Variants in IPCEF1 observed in about 807,000 individuals in gnomAD.
IPCEF1 encodes interactor protein for cytohesin exchange factors 1.
A neutral mutation model predicts 50.9 loss-of-function variants in IPCEF1; 31 were observed. The observed-to-expected ratio is 0.61, with a 90% confidence interval of 0.46 to 0.82. The LOEUF is 0.82. Among genes scored for constraint, IPCEF1 ranks in the 40% least tolerant of loss-of-function variants. IPCEF1 has a pLI of 0.00. For synonymous variants in IPCEF1, 181 were observed against 192.0 expected (o/e 0.94, Z 0.47); for missense variants, 458 against 514.0 (o/e 0.89, Z 1.05).
At chr6:154,288,676 C>CA (rs558703057) in intron 2 of IPCEF1, among the ~76,000 whole-genome samples, 54 of 46,926 alleles carry the variant, frequency 1.2e-3, no homozygotes, top group East Asian at 3.9e-3. Context: ...ACAAAAAAAA[C>CA]AAAAAAAAAA....
chr6:154,195,143 C>CTTTTTT (rs1162086187), intron 10 of IPCEF1, among the ~76,000 whole-genome samples: 3 of 133,546 alleles, frequency 2.2e-5, no homozygotes, highest in African/African-American at 8.9e-5. Flanking sequence ...TTTTTCTTTT[C>CTTTTTT]TTTCTTTTTT....
chr6:154,266,589 CACAA>C (rs1781762549), intron 2 of IPCEF1, among the ~76,000 whole-genome samples: 1 of 116,706 alleles, frequency 8.6e-6, no homozygotes, highest in Non-Finnish European at 1.9e-5. Flanking sequence ...TATATATACA[CACAA>C]ACACACACAC....
chr6:154,266,560 C>CCATA (rs1180907519), intron 2 of IPCEF1, among the ~76,000 whole-genome samples: 1 of 134,834 alleles, frequency 7.4e-6, no homozygotes, highest in African/African-American at 2.7e-5. Flanking sequence ...CTTAATATTA[C>CCATA]TATATATATA....
At chr6:154,303,065 C>T (rs1048932499) in intron 1 of IPCEF1, among the ~76,000 whole-genome samples, 8 of 150,688 alleles carry the variant, frequency 5.3e-5, no homozygotes, top group African/African-American at 7.3e-5. Context: ...AGATTTTGAA[C>T]GCAACTATAT....
intron 5 of IPCEF1, among the ~76,000 whole-genome samples, chr6:154,244,919 A>C (rs1004411477): frequency 2.6e-5 from 4 of 152,212 alleles, no homozygotes; most frequent in Non-Finnish European, 5.9e-5. Flanking sequence ...CCACTATTAA[A>C]AGGTAAATCA....
At chr6:154,320,810 C>G (rs547054273) in intron 1 of IPCEF1, among the ~76,000 whole-genome samples, 1 of 152,176 alleles carries the variant, frequency 6.6e-6, no homozygotes, top group African/African-American at 2.4e-5. Context: ...GGCTCTAGAT[C>G]AGCCTGGGCA....
intron 2 of IPCEF1, among the ~76,000 whole-genome samples, chr6:154,286,830 G>T (rs1473526294): frequency 6.6e-6 from 1 of 152,236 alleles, no homozygotes; most frequent in Non-Finnish European, 1.5e-5. Context: ...GGGAATAAAG[G>T]CCAGGGCCGA....
intron 1 of IPCEF1, among the ~76,000 whole-genome samples, chr6:154,305,666 T>A (rs936840241): frequency 6.6e-6 from 1 of 152,166 alleles, no homozygotes; most frequent in Non-Finnish European, 1.5e-5. Flanking sequence ...AGATCAACTT[T>A]GAGTCAGTGG....
rs1210859761 is a variant in IPCEF1, at chr6:154,251,893, GC to G, written c.37-4406del. On this transcript the variant is annotated intron_variant, in intron 3 of 11. Transcript: ENST00000367220. ...AAGACAATGTAGAAAGTGGGGAAGA[GC>G]AAAGTTCCAGGGAAAATCGTGGAGT... is the stretch of plus-strand genomic sequence containing the variant. 3.7e-3 allele frequency among the ~76,000 whole-genome samples: 568 copies of G among 152,208 alleles called. 2 individuals carry two copies. Among genetic ancestry groups the G allele is most frequent in the African/African-American group, 0.013 (546 of 41,524 alleles).
intron 1 of IPCEF1, among the ~76,000 whole-genome samples, chr6:154,353,584 C>T (rs768220567): frequency 4.6e-5 from 7 of 152,164 alleles, no homozygotes; most frequent in Non-Finnish European, 1.0e-4. Flanking sequence ...CCACCGCACC[C>T]GGGCCTATTT....
chr6:154,274,049 G>A (rs1781979304), intron 2 of IPCEF1, among the ~76,000 whole-genome samples: 1 of 149,888 alleles, frequency 6.7e-6, no homozygotes, highest in Admixed American at 6.6e-5. Flanking sequence ...CACCGTGCCT[G>A]GCTGCTTTTT....
At chr6:154,213,971 G>A (rs991880800) in intron 8 of IPCEF1, among the ~76,000 whole-genome samples, 1 of 152,240 alleles carries the variant, frequency 6.6e-6, no homozygotes, top group Non-Finnish European at 1.5e-5. Flanking sequence ...GAGATGTCAT[G>A]AAGCCCACAG....
chr6:154,291,834 A>G lies in IPCEF1; in HGVS notation c.-61-2078T>C, dbSNP rs113255045. 3.3e-3 allele frequency among the ~76,000 whole-genome samples: 508 copies of G among 151,854 alleles called. 10 individuals carry two copies. Among genetic ancestry groups the G allele is most frequent in the African/African-American group, 0.012 (494 of 41,404 alleles). On this transcript the variant is annotated intron_variant, in intron 1 of 11. Transcript: ENST00000367220. ...CAAGTAGCTGGGACTACAGGTGCCC[A>G]CCACCACGCCCGGCTAATTTTTGTG...
intron 10 of IPCEF1, among the ~76,000 whole-genome samples, chr6:154,195,369 G>A (rs775895930): frequency 4.6e-5 from 7 of 151,940 alleles, no homozygotes; most frequent in East Asian, 1.9e-4. Flanking sequence ...GGATGGTCTC[G>A]ATCTCCTGAC....
intron 3 of IPCEF1, among the ~76,000 whole-genome samples, chr6:154,255,994 C>T (rs186534148): frequency 6.6e-6 from 1 of 152,236 alleles, no homozygotes; most frequent in Non-Finnish European, 1.5e-5. Flanking sequence ...AAGCTATCTT[C>T]TAATTTTTTA....
At chr6:154,310,238 G>T (rs1039058715) in intron 1 of IPCEF1, among the ~76,000 whole-genome samples, 2 of 152,134 alleles carry the variant, frequency 1.3e-5, no homozygotes, top group Non-Finnish European at 2.9e-5. Flanking sequence ...TCTCAAAAGA[G>T]GACATATGAT....
At chr6:154,308,193 C>T (rs67982165) in intron 1 of IPCEF1, among the ~76,000 whole-genome samples, 11,218 of 152,266 alleles carry the variant, frequency 0.074, 773 homozygotes, top group East Asian at 0.33. Flanking sequence ...TGGCTGGCTG[C>T]AGCCTCAAGC....
chr6:154,198,631 T>C lies in IPCEF1; in HGVS notation c.910+1037A>G, dbSNP rs370030183. ...ATTTACATACTTTTAAAATATTACATACACACACACACACACACACACACA... is the reference window on the plus strand; with the variant it reads ...ATTTACATACTTTTAAAATATTACACACACACACACACACACACACACACA... On this transcript the variant is annotated intron_variant, in intron 10 of 11. Coordinates refer to ENST00000367220, the MANE Select transcript of IPCEF1 (RefSeq NM_001130700.2). Among the ~76,000 whole-genome samples, 59 of 146,806 alleles carry C rather than the reference T, an allele frequency of 4.0e-4. 1 individual carries two copies. The highest frequency in any genetic ancestry group is 3.4e-3 in the Admixed American group (49 of 14,544).
intron 10 of IPCEF1, among the ~76,000 whole-genome samples, chr6:154,193,689 T>TA (rs1802134551): frequency 6.6e-6 from 1 of 152,188 alleles, no homozygotes; most frequent in Admixed American, 6.5e-5. Flanking sequence ...TCCAACCCTC[T>TA]ACACCGCTAG....
Sources: allele counts gnomAD v4.1 joint callset (sites outside exome capture counted in the v4.1 genomes callset), GRCh38; gene constraint gnomAD v4.1.1; transcripts MANE v1.5; gene names NCBI Gene and HGNC (gene_info 2026-07-23, HGNC 2026-07-21).